ABCC11: variants seen among roughly 807,000 people sequenced by gnomAD.
ABCC11 encodes the protein ATP binding cassette subfamily C member 11.
In ABCC11, 135 loss-of-function variants were observed where a neutral mutation model predicts 149.3. The ratio of observed to expected loss-of-function variants is 0.90; its 90% CI spans 0.79 to 1.04. The LOEUF (loss-of-function observed/expected upper bound fraction) is 1.04, where lower values mean the gene tolerates loss of function less well. ABCC11 is among the 50% of genes least tolerant of loss of function. The pLI is 0.00. For missense variants in ABCC11, 1,680 were observed against 1,722.1 expected (o/e 0.98, Z 0.43); for synonymous variants, 665 against 671.4 (o/e 0.99, Z 0.15).
chr16:48,242,849 G>A (rs999606162), intron 1 of ABCC11, among the ~76,000 whole-genome samples: 4 of 151,394 alleles, frequency 2.6e-5, no homozygotes, highest in East Asian at 3.9e-4. Flanking sequence ...TGAACAATGA[G>A]AACACTTGGA....
chr16:48,223,122 T>C (rs989585732), intron 5 of ABCC11, among the ~76,000 whole-genome samples: 2 of 152,110 alleles, frequency 1.3e-5, no homozygotes, highest in Non-Finnish European at 2.9e-5. Flanking sequence ...TTTACAAAGG[T>C]GTAGACAGAA....
chr16:48,247,110 G>A (rs546944032), intron 1 of ABCC11, among the ~76,000 whole-genome samples: 1,520 of 151,784 alleles, frequency 0.01, no homozygotes, highest in African/African-American at 0.035. Flanking sequence ...TATCCTAGAA[G>A]TATTGTTTGC....
intron 6 of ABCC11, among the ~76,000 whole-genome samples, chr16:48,221,473 T>C (rs1456345557): frequency 2.0e-5 from 3 of 150,686 alleles, no homozygotes; most frequent in African/African-American, 2.4e-5. Context: ...AGAGTAAGAA[T>C]GGACAGTAAC....
At chr16:48,178,553 C>T in intron 24 of ABCC11, 44 bp downstream of exon 24, 1 of 1,590,378 alleles carries the variant, frequency 6.3e-7, no homozygotes. Context: ...AGTCATGCCC[C>T]AACTTGCATG....
At chr16:48,229,384 T>C (rs1245870828) in intron 3 of ABCC11, among the ~76,000 whole-genome samples, 1 of 151,914 alleles carries the variant, frequency 6.6e-6, no homozygotes, top group Non-Finnish European at 1.5e-5. Flanking sequence ...ATGCAGTTTG[T>C]TGATAGATAA....
At chr16:48,244,651 G>C (rs1279631180) in intron 1 of ABCC11, 2 of 1,319,792 alleles carry the variant, frequency 1.5e-6, no homozygotes, top group East Asian at 3.1e-5. Flanking sequence ...CGGCGGCGGC[G>C]GGCGGCGCGG....
intron 28 of ABCC11, among the ~76,000 whole-genome samples, chr16:48,168,007 C>T (rs1228957906): frequency 6.6e-6 from 1 of 152,214 alleles, no homozygotes; most frequent in Non-Finnish European, 1.5e-5. Flanking sequence ...GGGGCAGGCA[C>T]ACACCCCAGG....
At position 48,182,854 on chromosome 16, in the gene ABCC11, G is replaced by C. The variant is rs563110259; in HGVS notation, c.3258+1586C>G. ...AAAGAGGCTCTGCCCATTATTAGCT[G>C]TGTGGCTTTGGATAAATTGGTTAAC... On this transcript the variant is annotated intron_variant, in intron 23 of 29. Coordinates refer to ENST00000356608, the MANE Select transcript of ABCC11 (RefSeq NM_001370497.1). Among the ~76,000 whole-genome samples, 7 of 151,826 alleles carry C rather than the reference G, an allele frequency of 4.6e-5. No individual in the cohort carries two copies. The South Asian group carries it at 1.5e-3, about 32-fold the overall frequency.
At chr16:48,204,565 A>G (rs771443761) in intron 13 of ABCC11, among the ~76,000 whole-genome samples, 1 of 152,166 alleles carries the variant, frequency 6.6e-6, no homozygotes, top group Non-Finnish European at 1.5e-5. Flanking sequence ...ACTGAGTTGC[A>G]CAATTTGGGA....
rs1228000627 is a variant in ABCC11 at position 48,200,460 on chromosome 16, T to C, written c.1898A>G (p.Asn633Ser). ...DMTEIGERGL[N>S]LSGGQKQRIS... ...CCTCTGTTTCTGCCCCCCAGAGAGG[T>C]TGAGGCCCCGCTCTCCAATCTGCAG... Residue 633 changes from asparagine (N) to serine (S), a missense_variant, in exon 15 of 30, where the codon AAC (asparagine) becomes AGC (serine). Coordinates refer to ENST00000356608, the MANE Select transcript of ABCC11 (RefSeq NM_001370497.1). 3 of 1,613,908 alleles carry C rather than the reference T, an allele frequency of 1.9e-6. No individual in the cohort carries two copies. The highest frequency in any genetic ancestry group is 2.7e-5 in the African/African-American group (2 of 74,888).
intron 1 of ABCC11, among the ~76,000 whole-genome samples, chr16:48,242,847 G>T (rs1045377134): frequency 2.0e-5 from 3 of 151,916 alleles, no homozygotes; most frequent in Non-Finnish European, 4.4e-5. Context: ...ACTGAACAAT[G>T]AGAACACTTG....
chr16:48,182,633 A>C (rs1208850275), intron 23 of ABCC11, among the ~76,000 whole-genome samples: 7 of 152,044 alleles, frequency 4.6e-5, no homozygotes, highest in Non-Finnish European at 1.0e-4. Flanking sequence ...ATACAAAAAA[A>C]TTAGCTGGGC....
chr16:48,173,065 A>C, intron 26 of ABCC11, among the ~76,000 whole-genome samples: 1 of 152,208 alleles, frequency 6.6e-6, no homozygotes, highest in East Asian at 1.9e-4. Flanking sequence ...ATATCTCCAA[A>C]GCACTTTCAT....
intron 23 of ABCC11, 104 bp from the exon 24 acceptor site, chr16:48,178,790 C>T: frequency 1.0e-6 from 1 of 961,582 alleles, no homozygotes; most frequent in Non-Finnish European, 1.6e-6. Flanking sequence ...TGAGTGACCC[C>T]TGAAACTAAG....
intron 2 of ABCC11, among the ~76,000 whole-genome samples, chr16:48,230,960 T>C (rs997931755): frequency 1.3e-5 from 2 of 152,134 alleles, no homozygotes; most frequent in African/African-American, 4.8e-5. Context: ...ATGTTTCCCT[T>C]TTGACAACTA....
chr16:48,175,727 A>G (rs1262750774), intron 25 of ABCC11, among the ~76,000 whole-genome samples: 4 of 152,204 alleles, frequency 2.6e-5, no homozygotes, highest in Non-Finnish European at 5.9e-5. Flanking sequence ...ATTTTTAAAA[A>G]TCCTAGATAT....
In ABCC11 at chr16:48,165,901, G is replaced by C. The variant is rs969955019; in HGVS notation, c.*1373C>G. On this transcript the variant is annotated 3_prime_UTR_variant, in exon 30 of 30. Coordinates refer to ENST00000356608, the MANE Select transcript of ABCC11 (RefSeq NM_001370497.1). ...GTCTCCCCAGAAGTAAGTTGAAAAT[G>C]ATTGCCTTTTCTATTTGTCTGTAAC... The C allele has an allele frequency of 6.6e-6, 1 of 152,230 alleles. No homozygotes were observed. The highest frequency in any genetic ancestry group is 1.5e-5 in the Non-Finnish European group (1 of 68,048). 9.4% of individuals were successfully genotyped at this position (152,230 alleles called of 1,614,324 possible). A position where few individuals can be genotyped will look rare whatever the true frequency, so the allele number is the denominator to read the frequency against.
chr16:48,233,410 G>C (rs1000097481), intron 1 of ABCC11, among the ~76,000 whole-genome samples: 7 of 152,204 alleles, frequency 4.6e-5, no homozygotes, highest in Admixed American at 3.3e-4. Context: ...TTCCCAGCCA[G>C]GGCACCAGGC....
chr16:48,244,430 G>C, intron 1 of ABCC11: 1 of 1,588,932 alleles, frequency 6.3e-7, no homozygotes, highest in Non-Finnish European at 8.5e-7. Context: ...GTCGCCTCCC[G>C]CTGCTGCTCA....
Sources: allele counts gnomAD v4.1 joint callset (sites outside exome capture counted in the v4.1 genomes callset), GRCh38; gene constraint gnomAD v4.1.1; transcripts MANE v1.5; gene names NCBI Gene and HGNC (gene_info 2026-07-23, HGNC 2026-07-21).